The following PRKAA1 variants were observed in gnomAD, a reference collection of about 807,000 sequenced individuals.
PRKAA1 encodes the protein 5'-AMP-activated protein kinase catalytic subunit alpha-1.
A neutral mutation model predicts 56.9 loss-of-function variants in PRKAA1; 23 were observed. The ratio of observed to expected loss-of-function variants is 0.40; its 90% CI spans 0.29 to 0.57. The LOEUF (loss-of-function observed/expected upper bound fraction) is 0.57, where lower values mean the gene tolerates loss of function less well. Ranked by LOEUF, PRKAA1 falls within the 20% of genes least tolerant of loss-of-function variation. The pLI, the probability that PRKAA1 is intolerant of heterozygous loss-of-function variation, is 0.39. For synonymous variants in PRKAA1, 226 were observed against 227.0 expected (o/e 1.00, Z 0.04); for missense variants, 413 against 679.7 (o/e 0.61, Z 4.36).
chr5:40,783,914 G>T (rs1744366235), intron 1 of PRKAA1, among the ~76,000 whole-genome samples: 1 of 152,130 alleles, frequency 6.6e-6, no homozygotes, highest in South Asian at 2.1e-4. Flanking sequence ...TAGTCGCACA[G>T]ACCTCGGTTT....
At chr5:40,774,557 T>C (rs1310309479) in intron 3 of PRKAA1, among the ~76,000 whole-genome samples, 1 of 149,478 alleles carries the variant, frequency 6.7e-6, no homozygotes, top group African/African-American at 2.4e-5. Context: ...GAATTTTTTT[T>C]TTTTTTTTTT....
intron 1 of PRKAA1, among the ~76,000 whole-genome samples, chr5:40,784,080 A>G (rs1744372017): frequency 6.6e-6 from 1 of 152,198 alleles, no homozygotes; most frequent in Non-Finnish European, 1.5e-5. Context: ...CACTTTCCAC[A>G]ATGCCTGGCA....
chr5:40,786,786 CAAAAAAAA>C (rs34749478), intron 1 of PRKAA1, among the ~76,000 whole-genome samples: 1 of 43,502 alleles, frequency 2.3e-5, no homozygotes, highest in African/African-American at 9.1e-5. Flanking sequence ...ACTAAAAATA[CAAAAAAAA>C]AAAAAAAAAA....
At chr5:40,787,769 T>C (rs1043715683) in intron 1 of PRKAA1, among the ~76,000 whole-genome samples, 11 of 150,884 alleles carry the variant, frequency 7.3e-5, no homozygotes, top group Non-Finnish European at 1.5e-4. Context: ...GGGAAAGTAA[T>C]AGAGAAAGGG....
At chr5:40,763,069 A>C (rs750253439) in intron 8 of PRKAA1, 47 bp from the exon 9 acceptor site, 3 of 1,588,474 alleles carry the variant, frequency 1.9e-6, no homozygotes, top group Non-Finnish European at 2.6e-6. Context: ...ACCTTCTCCC[A>C]AAAATTTTTG....
chr5:40,765,281 A>G (rs1306299965), intron 6 of PRKAA1, 43 bp from the exon 7 acceptor site: 1 of 1,542,158 alleles, frequency 6.5e-7, no homozygotes, highest in Admixed American at 2.1e-5. Context: ...CTTTGAATAG[A>G]GCTGAGACTG....
Position 40,762,708 on chromosome 5 carries a change from A to G in PRKAA1, c.*70T>C. 2 of 1,570,628 alleles carry G rather than the reference A, an allele frequency of 1.3e-6. No homozygotes were observed. Among genetic ancestry groups the G allele is most frequent in the Non-Finnish European group, 8.7e-7 (1 of 1,152,610 alleles). On this transcript the variant is annotated 3_prime_UTR_variant, in exon 9 of 9. Transcript: ENST00000397128. ...TATAATTATGTATAACTTGATTACAAATGGAAGCATTTGGCTGTGACTTAT... is the reference window on the plus strand; with the variant it reads ...TATAATTATGTATAACTTGATTACAGATGGAAGCATTTGGCTGTGACTTAT...
At chr5:40,783,595 A>C (rs1744351493) in intron 1 of PRKAA1, among the ~76,000 whole-genome samples, 2 of 152,090 alleles carry the variant, frequency 1.3e-5, no homozygotes, top group East Asian at 3.8e-4. Flanking sequence ...ATCTCTACTA[A>C]AAATACAAAA....
intron 4 of PRKAA1, among the ~76,000 whole-genome samples, chr5:40,770,484 A>T (rs1743685814): frequency 6.6e-6 from 1 of 152,100 alleles, no homozygotes; most frequent in Non-Finnish European, 1.5e-5. Flanking sequence ...AACAAAAAAA[A>T]GTTATCTGAT....
At chr5:40,796,334 A>G (rs982926298) in intron 1 of PRKAA1, among the ~76,000 whole-genome samples, 9 of 152,108 alleles carry the variant, frequency 5.9e-5, no homozygotes, top group African/African-American at 1.9e-4. Flanking sequence ...AGAAAAAAGA[A>G]AAAAGAAAAA....
At position 40,785,522 on chromosome 5, in the gene PRKAA1, T is replaced by G. The variant is rs567296874; in HGVS notation, c.128-7936A>C. On this transcript the variant is annotated intron_variant, in intron 1 of 8. Coordinates refer to ENST00000397128, the MANE Select transcript of PRKAA1 (RefSeq NM_006251.6). ...TCCCAAAGTGCTGGGATTACAGGCA[T>G]TAACCAACCACGCCCAGCCCACAGA... 2.0e-5 allele frequency among the ~76,000 whole-genome samples: 3 copies of G among 152,140 alleles called. No individual in the cohort carries two copies. The East Asian group carries it at 5.8e-4, about 29-fold the overall frequency.
chr5:40,759,986 A>G lies in PRKAA1; in HGVS notation c.*2792T>C, dbSNP rs1189876458. The stretch of plus-strand genomic sequence containing the variant: ...ATCAGTAAAATCTGTTATACTTAAA[A>G]CTATGTATACAGTACATTTCTGGCA... On this transcript the variant is annotated 3_prime_UTR_variant, in exon 9 of 9. Transcript: ENST00000397128. 6.5e-6 allele frequency: 1 copy of G among 152,784 alleles called. No homozygotes were observed. The highest frequency in any genetic ancestry group is 6.5e-5 in the Admixed American group (1 of 15,288). 9.5% of individuals were successfully genotyped at this position (152,784 alleles called of 1,614,324 possible).
chr5:40,786,786 CAAAAAAAAAAA>C (rs34749478), intron 1 of PRKAA1, among the ~76,000 whole-genome samples: 13 of 43,500 alleles, frequency 3.0e-4, no homozygotes, highest in African/African-American at 1.1e-3. Flanking sequence ...ACTAAAAATA[CAAAAAAAAAAA>C]AAAAAAAAAA....
Position 40,762,377 on chromosome 5 carries a change from AT to A in PRKAA1, c.*400del, listed in dbSNP as rs1743231549. On this transcript the variant is annotated 3_prime_UTR_variant, in exon 9 of 9. Transcript: ENST00000397128. ...AGGAGCCCAGAAAACAAAATCACCT[AT>A]AAAGGTCTTGGGAATTCTAGGCAAA... 1.2e-5 allele frequency: 2 copies of A among 169,284 alleles called. No individual in the cohort carries two copies. Among genetic ancestry groups the A allele is most frequent in the African/African-American group, 4.8e-5 (2 of 41,566 alleles). The allele number at this position is 169,284 out of a possible 1,614,324, so 10.5% of individuals were successfully genotyped here. A position where few individuals can be genotyped will look rare whatever the true frequency, so the allele number is the denominator to read the frequency against.
At position 40,765,391 on chromosome 5, in the gene PRKAA1, C is replaced by T. The variant is rs545966731; in HGVS notation, c.822-153G>A. On this transcript the variant is annotated intron_variant, in intron 6 of 8. Coordinates refer to ENST00000397128, the MANE Select transcript of PRKAA1 (RefSeq NM_006251.6). Reference sequence around the variant, plus strand: ...GCACTGAAATTTTCCTCTTCTAGCTCGCACTTCATTGTGTATGTTGAGGGA... The same window carrying T: ...GCACTGAAATTTTCCTCTTCTAGCTTGCACTTCATTGTGTATGTTGAGGGA... Among the ~76,000 whole-genome samples, 23 of 152,178 alleles carry T rather than the reference C, an allele frequency of 1.5e-4. No individual in the cohort carries two copies. In the South Asian group the frequency reaches 3.5e-3, roughly 23 times the overall value.
intron 3 of PRKAA1, among the ~76,000 whole-genome samples, chr5:40,772,871 C>T (rs1424595657): frequency 2.0e-5 from 3 of 152,110 alleles, no homozygotes; most frequent in Non-Finnish European, 4.4e-5. Context: ...TGAGCTCAGG[C>T]AATCTACCGC....
chr5:40,797,954 A>C, intron 1 of PRKAA1, 109 bp downstream of exon 1: 1 of 1,414,020 alleles, frequency 7.1e-7, no homozygotes, highest in East Asian at 3.6e-5. Flanking sequence ...GGGGCTGCCC[A>C]GCCCTGGAAA....
chr5:40,765,909 C>G (rs1399362203), intron 6 of PRKAA1, among the ~76,000 whole-genome samples: 1 of 151,610 alleles, frequency 6.6e-6, no homozygotes, highest in Non-Finnish European at 1.5e-5. Context: ...TTGACCTGAA[C>G]TATGTCACTT....
intron 2 of PRKAA1, among the ~76,000 whole-genome samples, chr5:40,775,925 G>C (rs1743982817): frequency 6.6e-6 from 1 of 152,150 alleles, no homozygotes. Flanking sequence ...AGGAATATTA[G>C]AGAGAAATAG....
Sources: gnomAD v4.1 joint callset for allele counts (sites outside exome capture counted in the v4.1 genomes callset) on GRCh38, gnomAD v4.1.1 for gene constraint, MANE v1.5 for transcripts, NCBI Gene and HGNC (gene_info 2026-07-23, HGNC 2026-07-21) for gene names.